SDHB: variants seen among roughly 807,000 people sequenced by gnomAD.
The protein encoded by SDHB is succinate dehydrogenase complex iron sulfur subunit B.
SDHB carries 21 observed loss-of-function variants against 39.7 expected under a neutral mutation model. The observed-to-expected ratio is 0.53, with a 90% confidence interval of 0.37 to 0.76. SDHB has a LOEUF of 0.76. Ranked by LOEUF, SDHB falls within the 30% of genes least tolerant of loss-of-function variation. SDHB has a pLI of 0.00. For synonymous variants in SDHB, 118 were observed against 117.0 expected (o/e 1.01, Z -0.06); for missense variants, 343 against 350.9 (o/e 0.98, Z 0.18).
At chr1:17,028,268 C>T (rs1237903659) in intron 4 of SDHB, among the ~76,000 whole-genome samples, 1 of 152,122 alleles carries the variant, frequency 6.6e-6, no homozygotes, top group Non-Finnish European at 1.5e-5. Flanking sequence ...GGGAATGTTC[C>T]AATTCTAAAA....
intron 1 of SDHB, among the ~76,000 whole-genome samples, chr1:17,051,660 G>A (rs552976116): frequency 6.6e-6 from 1 of 151,198 alleles, no homozygotes; most frequent in East Asian, 2.0e-4. Flanking sequence ...TGTAAAGGGT[G>A]GGTAGTATTA....
At chr1:17,032,962 C>G (rs2078031395) in intron 3 of SDHB, 98 bp downstream of exon 3, 1 of 877,840 alleles carries the variant, frequency 1.1e-6, no homozygotes, top group South Asian at 1.4e-5. Context: ...CAGCAGAGAG[C>G]TGCAGCTGTT....
At chr1:17,044,718 C>A in intron 2 of SDHB, 43 bp downstream of exon 2, 1 of 1,607,016 alleles carries the variant, frequency 6.2e-7, no homozygotes, top group Non-Finnish European at 8.5e-7. Flanking sequence ...TAAATCAAAT[C>A]AAGAACTCTC....
Position 17,024,089 on chromosome 1 carries a change from AAG to A in SDHB, c.541-17_541-16del. 2 of 1,585,738 alleles carry A rather than the reference AAG, an allele frequency of 1.3e-6. No individual in the cohort carries two copies. The highest frequency in any genetic ancestry group is 1.7e-6 in the Non-Finnish European group (2 of 1,156,260). On this transcript the variant is annotated splice_polypyrimidine_tract_variant and intron_variant, in intron 5 of 7. Transcript: ENST00000375499. ...TAGAGCCCGTCCTGTATGGGGAGAAAAGAGAGGCAGGAGCTTGTGACGGGAGA... is the reference window on the plus strand; with the variant it reads ...TAGAGCCCGTCCTGTATGGGGAGAAAAGAGGCAGGAGCTTGTGACGGGAGA...
chr1:17,039,086 A>C (rs1027212623), intron 2 of SDHB, among the ~76,000 whole-genome samples: 12 of 152,024 alleles, frequency 7.9e-5, no homozygotes, highest in African/African-American at 2.9e-4. Context: ...TTTAACTGGG[A>C]GTATTTAATA....
chr1:17,048,677 C>T (rs1406173240), intron 1 of SDHB, among the ~76,000 whole-genome samples: 1 of 151,952 alleles, frequency 6.6e-6, no homozygotes, highest in Non-Finnish European at 1.5e-5. Context: ...CTAATTTGGA[C>T]ACTTTTATTT....
chr1:17,029,144 C>A (rs189412429), intron 3 of SDHB, among the ~76,000 whole-genome samples: 7 of 123,918 alleles, frequency 5.6e-5, no homozygotes, highest in Non-Finnish European at 9.6e-5. Context: ...CTCACTCTGT[C>A]ACCCAGGCTG....
chr1:17,041,823 C>A (rs2078081714), intron 2 of SDHB, among the ~76,000 whole-genome samples: 1 of 152,098 alleles, frequency 6.6e-6, no homozygotes. Flanking sequence ...GCATTTAGTG[C>A]TCCTCCTCTG....
At chr1:17,039,312 T>C (rs990201979) in intron 2 of SDHB, among the ~76,000 whole-genome samples, 1 of 150,084 alleles carries the variant, frequency 6.7e-6, no homozygotes, top group Middle Eastern at 3.2e-3. Flanking sequence ...TGGCTGGGCA[T>C]GGTGGCTCAC....
rs761350633 is a variant in SDHB at position 17,018,955 on chromosome 1, G to C, written c.769C>G (p.Leu257Val). 2 of 1,608,612 alleles carry C rather than the reference G, an allele frequency of 1.2e-6. No homozygotes were observed. The highest frequency in any genetic ancestry group is 1.7e-6 in the Non-Finnish European group (2 of 1,176,028). Residue 257 changes from leucine (L) to valine (V), a missense_variant, in exon 8 of 8, where the codon CTG becomes GTG. Coordinates refer to ENST00000375499, the MANE Select transcript of SDHB (RefSeq NM_003000.3). ...TCTGCAATAGCTTTCCCTGGATTCA[G>C]ACCCTTGAAAAAAGAGAAAAGAATC... ...MNCTRTCPKG[L>V]NPGKAIAEIK...
At chr1:17,023,050 A>C in intron 6 of SDHB, 1 of 372,812 alleles carries the variant, frequency 2.7e-6, no homozygotes, top group Admixed American at 3.7e-5. Flanking sequence ...TGGTGAAGGC[A>C]GGGACTGTAT....
At chr1:17,052,560 A>G (rs2078154703) in intron 1 of SDHB, 1 of 152,254 alleles carries the variant, frequency 6.6e-6, no homozygotes, top group Non-Finnish European at 1.5e-5. Context: ...GGCTCTCACA[A>G]TTTAATTGTT....
chr1:17,041,533 G>A (rs1167907226), intron 2 of SDHB, among the ~76,000 whole-genome samples: 1 of 151,606 alleles, frequency 6.6e-6, no homozygotes, highest in Non-Finnish European at 1.5e-5. Context: ...TGTGTGACGC[G>A]CGCCTGTAGT....
chr1:17,023,947 C>T, intron 6 of SDHB, 26 bp downstream of exon 6: 1 of 1,555,270 alleles, frequency 6.4e-7, no homozygotes, highest in Non-Finnish European at 8.9e-7. Flanking sequence ...TTCAATTTCT[C>T]TTAAAGCAAT....
intron 1 of SDHB, among the ~76,000 whole-genome samples, chr1:17,047,526 A>C (rs998208813): frequency 2.3e-4 from 34 of 150,144 alleles, no homozygotes; most frequent in African/African-American, 7.9e-4. Context: ...AAAATACAAA[A>C]AAACGAATTA....
intron 2 of SDHB, among the ~76,000 whole-genome samples, chr1:17,038,250 C>G (rs2078061007): frequency 6.6e-6 from 1 of 152,196 alleles, no homozygotes; most frequent in African/African-American, 2.4e-5. Context: ...CTATGAGAGA[C>G]AGTTTTACTT....
chr1:17,042,469 A>AT (rs925398705), intron 2 of SDHB, among the ~76,000 whole-genome samples: 3 of 152,232 alleles, frequency 2.0e-5, no homozygotes, highest in Admixed American at 6.5e-5. Flanking sequence ...GATTCTTTAA[A>AT]TTTTTTATCA....
At chr1:17,024,268 A>G (rs545054204) in intron 5 of SDHB, among the ~76,000 whole-genome samples, 194 bp from the exon 6 acceptor site, 12 of 152,222 alleles carry the variant, frequency 7.9e-5, no homozygotes, top group Non-Finnish European at 1.5e-4. Context: ...TGAAATGTAA[A>G]CATCTGCCCA....
At chr1:17,053,208 G>A (rs1435653621) in intron 1 of SDHB, among the ~76,000 whole-genome samples, 1 of 152,154 alleles carries the variant, frequency 6.6e-6, no homozygotes, top group Non-Finnish European at 1.5e-5. Flanking sequence ...GGGAAAATCT[G>A]TTACTGCACA....
Sources: allele counts gnomAD v4.1 joint callset (sites outside exome capture counted in the v4.1 genomes callset), GRCh38; gene constraint gnomAD v4.1.1; transcripts MANE v1.5; gene names NCBI Gene and HGNC (gene_info 2026-07-23, HGNC 2026-07-21).